Variants in DAGLB observed in about 807,000 individuals in gnomAD.
DAGLB encodes the protein diacylglycerol lipase beta, also known as diacylglycerol lipase-beta.
A neutral mutation model predicts 72.1 loss-of-function variants in DAGLB; 66 were observed. The ratio of observed to expected loss-of-function variants is 0.92; its 90% CI spans 0.75 to 1.12. DAGLB has a LOEUF of 1.12. Ranked by LOEUF, DAGLB falls within the 50% of genes most tolerant of loss-of-function variation. DAGLB has a pLI of 0.00. For missense variants in DAGLB, 1,065 were observed against 884.9 expected (o/e 1.20, Z -2.58); for synonymous variants, 414 against 359.5 (o/e 1.15, Z -1.71).
intron 8 of DAGLB, among the ~76,000 whole-genome samples, chr7:6,423,649 G>A (rs1197819623): frequency 2.0e-5 from 3 of 149,370 alleles, no homozygotes; most frequent in African/African-American, 7.5e-5. Context: ...GTGCAGTGGT[G>A]CAATCTCGAC....
chr7:6,410,463 C>T, intron 13 of DAGLB, 83 bp from the exon 14 acceptor site: 4 of 1,514,176 alleles, frequency 2.6e-6, no homozygotes, highest in South Asian at 2.6e-5. Context: ...GCGGACCAGG[C>T]ACAGGAATCT....
At chr7:6,432,117 G>C (rs774347503) in intron 5 of DAGLB, among the ~76,000 whole-genome samples, 1 of 152,264 alleles carries the variant, frequency 6.6e-6, no homozygotes, top group South Asian at 2.1e-4. Flanking sequence ...CTGGGAAGCC[G>C]AGGCAGGCAG....
intron 1 of DAGLB, among the ~76,000 whole-genome samples, chr7:6,446,766 T>A (rs1562491669): frequency 6.7e-6 from 1 of 149,866 alleles, no homozygotes; most frequent in Non-Finnish European, 1.5e-5. Flanking sequence ...CCTAGCACTT[T>A]GGGAGGCCAA....
intron 1 of DAGLB, among the ~76,000 whole-genome samples, chr7:6,446,869 G>C (rs1785023563): frequency 6.6e-6 from 1 of 152,134 alleles, no homozygotes; most frequent in South Asian, 2.1e-4. Context: ...AGTTAGCTGG[G>C]CGTGGTGGCA....
In DAGLB at chr7:6,416,641, G is replaced by A. The variant is rs200808542; in HGVS notation, c.1413C>T (p.Pro471=). ...PQVRCYAFSP[P]RGLWSKALQE... is the part of the protein sequence containing the mutation. ...CAAAGGCTCACCTCCACAGCCCCCG[G>A]GGTGGGGAGAAGGCGTAGCACCTGA... Residue 471 remains proline (P), a synonymous_variant, in exon 11 of 15, where the codon CCC becomes CCT. Coordinates refer to ENST00000297056, the MANE Select transcript of DAGLB (RefSeq NM_139179.4). The A allele has an allele frequency of 6.2e-7, 1 of 1,610,574 alleles. No individual in the cohort carries two copies. Among genetic ancestry groups the A allele is most frequent in the South Asian group, 1.1e-5 (1 of 90,884 alleles).
At chr7:6,430,385 C>G in intron 6 of DAGLB, 95 bp downstream of exon 6, 7 of 1,350,228 alleles carry the variant, frequency 5.2e-6, no homozygotes, top group Non-Finnish European at 6.7e-6. Context: ...CATGGGAGTT[C>G]TTTGCACTGT....
At chr7:6,432,181 T>G (rs1232645868) in intron 5 of DAGLB, among the ~76,000 whole-genome samples, 3 of 151,782 alleles carry the variant, frequency 2.0e-5, no homozygotes, top group Non-Finnish European at 4.4e-5. Context: ...CAAAACCCCA[T>G]CTCTACTAAA....
chr7:6,433,783 G>A (rs1294646204), intron 4 of DAGLB, among the ~76,000 whole-genome samples: 1 of 151,604 alleles, frequency 6.6e-6, no homozygotes. Context: ...CTCGAACACA[G>A]GAGGTGGAGG....
chr7:6,434,265 T>G (rs1433525209), intron 4 of DAGLB, among the ~76,000 whole-genome samples: 1 of 152,046 alleles, frequency 6.6e-6, no homozygotes, highest in Admixed American at 6.6e-5. Context: ...ATTTTCAAAT[T>G]GCGGAAGAAC....
intron 6 of DAGLB, among the ~76,000 whole-genome samples, chr7:6,428,735 C>A (rs1287446442): frequency 6.6e-6 from 1 of 152,166 alleles, no homozygotes; most frequent in Non-Finnish European, 1.5e-5. Context: ...GATCAGCCCG[C>A]CTTGGCCTCC....
At chr7:6,432,553 AG>A (rs2115276988) in intron 5 of DAGLB, among the ~76,000 whole-genome samples, 1 of 151,596 alleles carries the variant, frequency 6.6e-6, no homozygotes, top group South Asian at 2.1e-4. Flanking sequence ...CCAGCTACTC[AG>A]GAGGCTGGGG....
At chr7:6,418,889 C>T (rs1359322198) in intron 9 of DAGLB, among the ~76,000 whole-genome samples, 2 of 151,898 alleles carry the variant, frequency 1.3e-5, no homozygotes, top group African/African-American at 4.8e-5. Context: ...TGGTCTCCAT[C>T]TCCTGACCTC....
intron 2 of DAGLB, among the ~76,000 whole-genome samples, chr7:6,441,902 G>A (rs10243258): frequency 2.0e-5 from 3 of 152,142 alleles, no homozygotes; most frequent in Non-Finnish European, 2.9e-5. Flanking sequence ...ACTGAGTGCA[G>A]AAGCAAGACG....
At chr7:6,440,008 C>T (rs1327078596) in intron 2 of DAGLB, among the ~76,000 whole-genome samples, 3 of 144,276 alleles carry the variant, frequency 2.1e-5, no homozygotes, top group South Asian at 2.2e-4. Flanking sequence ...GCTAAGATCA[C>T]GCCACTGCAC....
intron 2 of DAGLB, among the ~76,000 whole-genome samples, chr7:6,441,387 G>A (rs1784827596): frequency 1.3e-5 from 2 of 149,960 alleles, no homozygotes; most frequent in African/African-American, 2.5e-5. Flanking sequence ...CACCGCGCCC[G>A]GCCACAAACT....
At chr7:6,415,528 G>C (rs1783879148) in intron 11 of DAGLB, among the ~76,000 whole-genome samples, 2 of 149,688 alleles carry the variant, frequency 1.3e-5, no homozygotes, top group South Asian at 2.2e-4. Context: ...CAGTATGCTG[G>C]AATCAGCAAA....
intron 6 of DAGLB, among the ~76,000 whole-genome samples, chr7:6,428,737 T>C (rs1018836046): frequency 6.6e-6 from 1 of 152,196 alleles, no homozygotes; most frequent in African/African-American, 2.4e-5. Flanking sequence ...TCAGCCCGCC[T>C]TGGCCTCCCA....
chr7:6,434,361 T>C (rs548338933), intron 4 of DAGLB, among the ~76,000 whole-genome samples: 32 of 152,300 alleles, frequency 2.1e-4, no homozygotes, highest in African/African-American at 7.7e-4. Context: ...ATTTCCATCA[T>C]GATACAAAGT....
At chr7:6,419,026 A>AT (rs1784017739) in intron 9 of DAGLB, among the ~76,000 whole-genome samples, 2 of 151,328 alleles carry the variant, frequency 1.3e-5, no homozygotes, top group African/African-American at 4.9e-5. Context: ...CAGCCATCAT[A>AT]TAAGAAAATT....
Sources: gnomAD v4.1 joint callset for allele counts (sites outside exome capture counted in the v4.1 genomes callset) on GRCh38, gnomAD v4.1.1 for gene constraint, MANE v1.5 for transcripts, NCBI Gene and HGNC (gene_info 2026-07-23, HGNC 2026-07-21) for gene names.